Variants in ADAM22 observed in about 807,000 individuals in gnomAD.
The protein encoded by ADAM22 is ADAM metallopeptidase domain 22, also known as disintegrin and metalloproteinase domain-containing protein 22.
Under a neutral mutation model 144.6 loss-of-function variants are expected in ADAM22, and 65 were observed. That is an observed-to-expected ratio of 0.45 (90% CI 0.37 to 0.55). The LOEUF (loss-of-function observed/expected upper bound fraction) is 0.55, where lower values mean the gene tolerates loss of function less well. Ranked by LOEUF, ADAM22 falls within the 20% of genes least tolerant of loss-of-function variation. ADAM22 has a pLI of 0.00. For synonymous variants in ADAM22, 391 were observed against 412.6 expected (o/e 0.95, Z 0.63); for missense variants, 974 against 1,184.9 (o/e 0.82, Z 2.61).
chr7:88,067,036 A>T (rs1811431306), intron 3 of ADAM22, among the ~76,000 whole-genome samples: 1 of 152,054 alleles, frequency 6.6e-6, no homozygotes, highest in Non-Finnish European at 1.5e-5. Flanking sequence ...AAGTGCCCAA[A>T]ATCTCCATTT....
At chr7:87,978,507 C>G in intron 3 of ADAM22, 95 bp downstream of exon 3, 1 of 974,136 alleles carries the variant, frequency 1.0e-6, no homozygotes, top group Non-Finnish European at 1.6e-6. Flanking sequence ...TTTACTTTGT[C>G]TTCCTATACC....
intron 3 of ADAM22, among the ~76,000 whole-genome samples, chr7:87,994,196 C>T (rs1043322745): frequency 6.7e-6 from 1 of 149,138 alleles, no homozygotes; most frequent in African/African-American, 2.5e-5. Flanking sequence ...GAGTCTTGCT[C>T]TGTCGCCCAG....
Position 88,120,446 on chromosome 7 carries a change from A to T in ADAM22, c.607+3632A>T, listed in dbSNP as rs990129016. On this transcript the variant is annotated intron_variant, in intron 7 of 31. Transcript: ENST00000413139. ...TTCCAAAGTGGGTACACTCTTTTATATTTGTGTCAGCACTCTATGAGAGTT... is the reference window on the plus strand; with the variant it reads ...TTCCAAAGTGGGTACACTCTTTTATTTTTGTGTCAGCACTCTATGAGAGTT... Among the ~76,000 whole-genome samples, 3 of 151,586 alleles carry T rather than the reference A, an allele frequency of 2.0e-5. No individual in the cohort carries two copies. In the East Asian group the frequency reaches 5.8e-4, roughly 29 times the overall value.
chr7:88,082,511 T>C (rs189823789), intron 4 of ADAM22, among the ~76,000 whole-genome samples: 4,837 of 152,080 alleles, frequency 0.032, 284 homozygotes, highest in African/African-American at 0.11. Flanking sequence ...CTAAAGAGCT[T>C]CTGCACAGCA....
chr7:88,081,234 A>G (rs1816509950), intron 4 of ADAM22, among the ~76,000 whole-genome samples: 1 of 152,230 alleles, frequency 6.6e-6, no homozygotes, highest in Non-Finnish European at 1.5e-5. Flanking sequence ...AACCAAAGAC[A>G]AAAACCACAT....
chr7:88,184,756 G>T (rs894829655), intron 29 of ADAM22, among the ~76,000 whole-genome samples: 1 of 152,078 alleles, frequency 6.6e-6, no homozygotes, highest in East Asian at 1.9e-4. Flanking sequence ...TCCCCAGAAA[G>T]AACAAAAAAT....
At chr7:88,054,470 A>T (rs1049803203) in intron 3 of ADAM22, among the ~76,000 whole-genome samples, 5 of 152,018 alleles carry the variant, frequency 3.3e-5, no homozygotes, top group Admixed American at 3.3e-4. Context: ...CCATCCCACC[A>T]GTCTGTTTTC....
intron 29 of ADAM22, chr7:88,184,257 G>C (rs1319197916): frequency 3.3e-6 from 1 of 300,320 alleles, no homozygotes; most frequent in Non-Finnish European, 6.8e-6. Context: ...ACATTTTTTG[G>C]CTTAGACTTT....
chr7:88,153,713 T>C (rs115510967), intron 21 of ADAM22, among the ~76,000 whole-genome samples: 289 of 152,310 alleles, frequency 1.9e-3, no homozygotes, highest in African/African-American at 6.6e-3. Context: ...TGTCCTTCTG[T>C]CTAGAAGCCT....
chr7:87,971,338 C>T (rs1033969490), intron 2 of ADAM22, among the ~76,000 whole-genome samples: 2 of 152,006 alleles, frequency 1.3e-5, no homozygotes, highest in Non-Finnish European at 2.9e-5. Context: ...AGGATGAAAG[C>T]AAGGAGTTGA....
chr7:87,970,726 C>T (rs1257901820), intron 2 of ADAM22, among the ~76,000 whole-genome samples: 1 of 152,134 alleles, frequency 6.6e-6, no homozygotes, highest in Non-Finnish European at 1.5e-5. Context: ...GCATGAGAAA[C>T]GAGTGTTATA....
At chr7:88,131,576 C>A in intron 11 of ADAM22, 141 bp downstream of exon 11, 1 of 786,712 alleles carries the variant, frequency 1.3e-6, no homozygotes, top group Non-Finnish European at 2.0e-6. Context: ...AAAAAGTTTT[C>A]AAGTATAGAT....
chr7:87,982,700 A>ATATATATATATATT (rs1853955774), intron 3 of ADAM22, among the ~76,000 whole-genome samples: 1 of 56,080 alleles, frequency 1.8e-5, no homozygotes, highest in African/African-American at 8.3e-5. Flanking sequence ...TATATATATA[A>ATATATATATATATT]TTTTTTTTTT....
chr7:88,011,733 C>T (rs534668244), intron 3 of ADAM22, among the ~76,000 whole-genome samples: 25 of 151,082 alleles, frequency 1.7e-4, no homozygotes, highest in Admixed American at 5.9e-4. Context: ...TCTCTCTCTC[C>T]GCCCCCCACC....
chr7:88,085,342 A>G (rs987822186), intron 4 of ADAM22, among the ~76,000 whole-genome samples: 3 of 152,200 alleles, frequency 2.0e-5, no homozygotes, highest in African/African-American at 4.8e-5. Context: ...AAATTTAACA[A>G]TGGCTAGAAA....
Position 87,968,426 on chromosome 7 carries a change from G to A in ADAM22, c.247-9910G>A, listed in dbSNP as rs184308312. ...GGTGGCTCATGCTTGTAATCCCAAC[G>A]AATCAGGAGACTGAGGTAGGAGAAT... On this transcript the variant is annotated intron_variant, in intron 2 of 31. Coordinates refer to ENST00000413139, the MANE Select transcript of ADAM22 (RefSeq NM_001324418.2). 2.5e-3 allele frequency among the ~76,000 whole-genome samples: 381 copies of A among 152,194 alleles called. 1 individual carries two copies. The highest frequency in any genetic ancestry group is 3.6e-3 in the Non-Finnish European group (244 of 67,996).
At chr7:87,988,046 G>A (rs1012484561) in intron 3 of ADAM22, among the ~76,000 whole-genome samples, 2 of 152,136 alleles carry the variant, frequency 1.3e-5, no homozygotes, top group South Asian at 4.1e-4. Context: ...ACCTATAATG[G>A]TGCAGAAGTG....
Position 88,029,776 on chromosome 7 carries a change from C to A in ADAM22, c.324-45850C>A, listed in dbSNP as rs376482002. Reference sequence around the variant, plus strand: ...TGGGGTAAAAGTTTTTTTTTTCTTTCAGAGTTTTAAATATGTCATGCCACT... The same window carrying A: ...TGGGGTAAAAGTTTTTTTTTTCTTTAAGAGTTTTAAATATGTCATGCCACT... On this transcript the variant is annotated intron_variant, in intron 3 of 31. Coordinates refer to ENST00000413139, the MANE Select transcript of ADAM22 (RefSeq NM_001324418.2). 5.5e-4 allele frequency among the ~76,000 whole-genome samples: 83 copies of A among 150,862 alleles called. No individual in the cohort carries two copies. The East Asian group carries it at 0.014, about 25-fold the overall frequency.
In ADAM22 at chr7:88,198,341, A is replaced by G. The variant is rs1471831090; in HGVS notation, c.*1850A>G. ...TTTGAAATGTTTGGAAAGCAATTTA[A>G]TGATCCAAAATTACATAATGTAAAA... On this transcript the variant is annotated 3_prime_UTR_variant, in exon 32 of 32. Coordinates refer to ENST00000413139, the MANE Select transcript of ADAM22 (RefSeq NM_001324418.2). The G allele has an allele frequency of 6.6e-6, 1 of 152,194 alleles. No individual in the cohort carries two copies. Among genetic ancestry groups the G allele is most frequent in the African/African-American group, 2.4e-5 (1 of 41,456 alleles). The allele number at this position is 152,194 out of a possible 1,614,324, so 9.4% of individuals were successfully genotyped here.
Sources: allele counts gnomAD v4.1 joint callset (sites outside exome capture counted in the v4.1 genomes callset), GRCh38; gene constraint gnomAD v4.1.1; transcripts MANE v1.5; gene names NCBI Gene and HGNC (gene_info 2026-07-23, HGNC 2026-07-21).